The following ZPBP variants were observed in gnomAD, a reference collection of about 807,000 sequenced individuals.
ZPBP encodes the protein zona pellucida binding protein.
ZPBP carries 26 observed loss-of-function variants against 44.8 expected under a neutral mutation model. That is an observed-to-expected ratio of 0.58 (90% CI 0.43 to 0.81). ZPBP has a LOEUF of 0.81. Among genes scored for constraint, ZPBP ranks in the 30% least tolerant of loss-of-function variants. ZPBP has a pLI of 0.00. For missense variants in ZPBP, 409 were observed against 434.0 expected (o/e 0.94, Z 0.51); for synonymous variants, 174 against 153.2 (o/e 1.14, Z -1.00).
intron 1 of ZPBP, chr7:49,901,301 G>A (rs1029890905): frequency 2.0e-4 from 30 of 151,656 alleles, no homozygotes; most frequent in Admixed American, 2.0e-3. Context: ...ATGACATGAT[G>A]GTCTGTGTAG....
chr7:49,918,073 C>T (rs1030012286), intron 1 of ZPBP: 3 of 152,142 alleles, frequency 2.0e-5, no homozygotes, highest in African/African-American at 4.8e-5. Context: ...CTTAAGCAGT[C>T]GGTGAATGTA....
At chr7:50,075,230 T>C (rs1562609886) in intron 3 of ZPBP, among the ~76,000 whole-genome samples, 2 of 151,756 alleles carry the variant, frequency 1.3e-5, no homozygotes, top group Non-Finnish European at 2.9e-5. Context: ...TAAATGTTAA[T>C]GGAAACACAA....
chr7:50,058,099 A>G lies in ZPBP; in HGVS notation c.377T>C (p.Val126Ala), dbSNP rs532162446. The G allele has an allele frequency of 6.8e-6, 11 of 1,613,932 alleles. No individual in the cohort carries two copies. The East Asian group carries it at 1.1e-4, about 16-fold the overall frequency. The change falls in exon 4 of 8, where the codon GTA (valine) becomes GCA (alanine). Residue 126 changes from valine to alanine, a missense_variant. This residue lies in a region of ZPBP where 367 missense variants were observed against 363.1 expected (regional missense o/e 1.01). Coordinates refer to ENST00000046087, the MANE Select transcript of ZPBP (RefSeq NM_007009.3). ...TAQITSTGSLVFQNFEESMSG... is the reference protein window; with the variant it reads ...TAQITSTGSLAFQNFEESMSG... ...CATACTCTCCTCAAAATTTTGGAAT[A>G]CAAGGCTTCCTGTGGATGTTATTTG...
chr7:49,942,319 T>C, intron 7 of ZPBP: 1 of 221,618 alleles, frequency 4.5e-6, no homozygotes, highest in Non-Finnish European at 8.9e-6. Context: ...TGTTCCCGCT[T>C]GTATTTTTCA....
the ZPBP span, among the ~76,000 whole-genome samples, chr7:49,842,987 G>C: frequency 3.3e-5 from 5 of 152,098 alleles, no homozygotes; most frequent in Non-Finnish European, 7.3e-5. Flanking sequence ...GGGTACAAGT[G>C]ATCTCATAGT....
chr7:50,052,378 T>G (rs1327051978), intron 4 of ZPBP, among the ~76,000 whole-genome samples: 1 of 152,080 alleles, frequency 6.6e-6, no homozygotes, highest in Non-Finnish European at 1.5e-5. Flanking sequence ...ATTATAGAAA[T>G]GCAAATTAAA....
intron 4 of ZPBP, among the ~76,000 whole-genome samples, chr7:50,040,406 A>C (rs1225732812): frequency 6.6e-6 from 1 of 152,190 alleles, no homozygotes; most frequent in Non-Finnish European, 1.5e-5. Flanking sequence ...TCCGGTCTGC[A>C]GTTCCCAGCG....
chr7:50,017,930 T>C (rs1798894866), intron 6 of ZPBP, among the ~76,000 whole-genome samples: 1 of 152,112 alleles, frequency 6.6e-6, no homozygotes, highest in Admixed American at 6.6e-5. Flanking sequence ...TGATGGACAA[T>C]GGTAACATGG....
chr7:49,925,198 C>T (rs1206978848), intron 1 of ZPBP, among the ~76,000 whole-genome samples: 1 of 152,152 alleles, frequency 6.6e-6, no homozygotes, highest in East Asian at 1.9e-4. Context: ...TGGGCATCAG[C>T]CTTCCTATTA....
chr7:50,006,602 A>G (rs1798323132), intron 6 of ZPBP, among the ~76,000 whole-genome samples: 1 of 152,068 alleles, frequency 6.6e-6, no homozygotes, highest in African/African-American at 2.4e-5. Context: ...ATGCTTACAC[A>G]AGGAATAAAC....
chr7:50,079,203 T>A (rs1008010113), intron 3 of ZPBP, among the ~76,000 whole-genome samples: 6 of 151,624 alleles, frequency 4.0e-5, no homozygotes, highest in Non-Finnish European at 5.9e-5. Flanking sequence ...TGTTCCTACC[T>A]CATTGAGATT....
chr7:49,950,112 A>G (rs1261255424), intron 7 of ZPBP, among the ~76,000 whole-genome samples: 1 of 151,966 alleles, frequency 6.6e-6, no homozygotes, highest in Non-Finnish European at 1.5e-5. Flanking sequence ...TCAACCAACA[A>G]TAAAACAGAT....
At chr7:49,860,075 A>AT (rs1317202779) in intron 2 of ZPBP, among the ~76,000 whole-genome samples, 2 of 151,922 alleles carry the variant, frequency 1.3e-5, no homozygotes, top group African/African-American at 2.4e-5. Context: ...CACTTTTGTT[A>AT]TTTTTTTAAG....
chr7:49,903,236 T>C (rs1214456501), intron 1 of ZPBP, among the ~76,000 whole-genome samples: 7 of 152,222 alleles, frequency 4.6e-5, no homozygotes, highest in African/African-American at 7.2e-5. Flanking sequence ...AATCCAGCAA[T>C]TGTGGTAGTT....
chr7:50,076,628 TAAA>T (rs752450278), intron 3 of ZPBP, among the ~76,000 whole-genome samples: 20 of 151,020 alleles, frequency 1.3e-4, no homozygotes, highest in Non-Finnish European at 8.9e-5. Context: ...TAAAAAGAAA[TAAA>T]AAAGTAATCC....
chr7:49,925,819 C>T (rs1306025165), intron 1 of ZPBP, among the ~76,000 whole-genome samples: 1 of 152,226 alleles, frequency 6.6e-6, no homozygotes, highest in Non-Finnish European at 1.5e-5. Context: ...TTCAGATCTC[C>T]CTCTAAAATA....
chr7:49,860,314 C>A (rs951585755), intron 2 of ZPBP, among the ~76,000 whole-genome samples: 1 of 152,196 alleles, frequency 6.6e-6, no homozygotes, highest in Non-Finnish European at 1.5e-5. Context: ...TAAAAATTTA[C>A]CTGTTCTAGC....
At chr7:49,985,197 T>C (rs1274434946) in intron 6 of ZPBP, among the ~76,000 whole-genome samples, 3 of 152,236 alleles carry the variant, frequency 2.0e-5, no homozygotes, top group Non-Finnish European at 1.5e-5. Flanking sequence ...ATAATTATTA[T>C]ACTTTGTTTT....
At chr7:49,999,995 GT>G (rs1043129683) in intron 6 of ZPBP, among the ~76,000 whole-genome samples, 3 of 151,850 alleles carry the variant, frequency 2.0e-5, no homozygotes, top group East Asian at 1.9e-4. Flanking sequence ...GAAATTAGTT[GT>G]TTTTTTTAAT....
Sources: gnomAD v4.1 joint callset for allele counts (sites outside exome capture counted in the v4.1 genomes callset) on GRCh38, gnomAD v4.1.1 for gene constraint, gnomAD v4.1.1 regional missense constraint, MANE v1.5 for transcripts, NCBI Gene and HGNC (gene_info 2026-07-23, HGNC 2026-07-21) for gene names.